GARIN1B: variants seen among roughly 807,000 people sequenced by gnomAD.
GARIN1B encodes golgi associated RAB2 interactor 1B.
the GARIN1B span, among the ~76,000 whole-genome samples, chr7:128,725,717 A>C: frequency 6.6e-6 from 1 of 152,170 alleles, no homozygotes; most frequent in African/African-American, 2.4e-5. Context: ...GTTTCTGTTT[A>C]TACCTCATTG....
chr7:128,718,263 T>C, the GARIN1B span, among the ~76,000 whole-genome samples: 8 of 151,662 alleles, frequency 5.3e-5, no homozygotes, highest in South Asian at 8.3e-4. Flanking sequence ...TGAAACCTCG[T>C]CTCTACCAAA....
chr7:128,726,993 T>G, the GARIN1B span: 4 of 831,858 alleles, frequency 4.8e-6, no homozygotes, highest in African/African-American at 1.7e-5. Flanking sequence ...TGTCCTTCCA[T>G]GCCTTAGTTT....
the GARIN1B span, chr7:128,723,233 G>C: frequency 1.2e-6 from 2 of 1,612,412 alleles, no homozygotes; most frequent in Non-Finnish European, 8.5e-7. Flanking sequence ...CCAGCCCAGC[G>C]AGAGTCTCAT....
At chr7:128,712,214 C>G in the GARIN1B span, among the ~76,000 whole-genome samples, 2 of 152,114 alleles carry the variant, frequency 1.3e-5, no homozygotes, top group African/African-American at 4.8e-5. Flanking sequence ...TTCATATGGG[C>G]CTTATGAGGC....
the GARIN1B span, chr7:128,717,027 A>G: frequency 6.4e-7 from 1 of 1,568,122 alleles, no homozygotes; most frequent in Non-Finnish European, 8.7e-7. Context: ...ATGGAGGACA[A>G]GAGGGGTGAG....
the GARIN1B span, among the ~76,000 whole-genome samples, chr7:128,718,545 C>G: frequency 6.6e-6 from 1 of 152,096 alleles, no homozygotes. Flanking sequence ...GTCTAGGGCA[C>G]ACGAGAATCA....
At chr7:128,712,665 G>A in the GARIN1B span, among the ~76,000 whole-genome samples, 11 of 152,348 alleles carry the variant, frequency 7.2e-5, no homozygotes, top group African/African-American at 2.6e-4. Flanking sequence ...CAGCATGGTT[G>A]AGGCTGTCAC....
the GARIN1B span, among the ~76,000 whole-genome samples, chr7:128,728,018 C>T: frequency 3.9e-5 from 6 of 152,172 alleles, no homozygotes; most frequent in Non-Finnish European, 7.3e-5. Context: ...TATTCCTTCA[C>T]GTTGGCTCAG....
At chr7:128,720,561 T>A in the GARIN1B span, among the ~76,000 whole-genome samples, 1 of 152,346 alleles carries the variant, frequency 6.6e-6, no homozygotes. Flanking sequence ...AAAGATTTTA[T>A]CCTATGTTTT....
At chr7:128,715,866 C>T in the GARIN1B span, among the ~76,000 whole-genome samples, 5 of 152,178 alleles carry the variant, frequency 3.3e-5, no homozygotes, top group South Asian at 4.1e-4. Context: ...GAGCCCCAGA[C>T]GGGGCTTCTC....
chr7:128,710,706 C>T, the GARIN1B span, among the ~76,000 whole-genome samples: 1 of 147,016 alleles, frequency 6.8e-6, no homozygotes, highest in East Asian at 2.0e-4. Context: ...TTTTTTGAGA[C>T]AGAGTTTTGG....
At chr7:128,720,000 T>C in the GARIN1B span, among the ~76,000 whole-genome samples, 1 of 151,914 alleles carries the variant, frequency 6.6e-6, no homozygotes, top group African/African-American at 2.4e-5. Flanking sequence ...GTGCCCGGCA[T>C]TGACCATTTT....
chr7:128,729,366 C>G, the GARIN1B span, among the ~76,000 whole-genome samples: 1 of 152,304 alleles, frequency 6.6e-6, no homozygotes, highest in South Asian at 2.1e-4. Flanking sequence ...CAAACAGTCC[C>G]CCATAGATCT....
the GARIN1B span, among the ~76,000 whole-genome samples, chr7:128,718,387 G>A: frequency 2.0e-5 from 3 of 149,422 alleles, no homozygotes; most frequent in East Asian, 2.0e-4. Context: ...AGCCAAGATC[G>A]TGCCATTGCA....
At chr7:128,710,602 T>G in the GARIN1B span, among the ~76,000 whole-genome samples, 3 of 152,240 alleles carry the variant, frequency 2.0e-5, no homozygotes, top group African/African-American at 7.2e-5. Flanking sequence ...CTCAGTTTTC[T>G]GTCATGCCAG....
chr7:128,714,262 G>A, the GARIN1B span: 2 of 949,350 alleles, frequency 2.1e-6, no homozygotes, highest in South Asian at 1.4e-5. Context: ...TGACCTTGAT[G>A]GTTAATTCAT....
the GARIN1B span, chr7:128,718,826 T>C: frequency 1.2e-6 from 2 of 1,612,558 alleles, no homozygotes; most frequent in Non-Finnish European, 1.7e-6. Flanking sequence ...CCCTGGTGGC[T>C]TCAGGATTCT....
At chr7:128,718,740 G>C in the GARIN1B span, 1 of 1,508,050 alleles carries the variant, frequency 6.6e-7, no homozygotes. Context: ...AAAAGCCTTA[G>C]TCCTAAAGGA....
chr7:128,709,553 G>A, the GARIN1B span, among the ~76,000 whole-genome samples: 36,682 of 151,812 alleles, frequency 0.24, 5,186 homozygotes, highest in East Asian at 0.61. Flanking sequence ...TTTCTCCATT[G>A]TTTCATTGTC....
Sources: allele counts gnomAD v4.1 joint callset (sites outside exome capture counted in the v4.1 genomes callset), GRCh38; gene constraint gnomAD v4.1.1; transcripts MANE v1.5; gene names NCBI Gene and HGNC (gene_info 2026-07-23, HGNC 2026-07-21).